The following PCDHGA3 variants were observed in gnomAD, a reference collection of about 807,000 sequenced individuals.
The protein encoded by PCDHGA3 is protocadherin gamma-A3.
PCDHGA3 carries 40 observed loss-of-function variants against 58.5 expected under a neutral mutation model. The observed-to-expected ratio is 0.68, with a 90% CI of 0.53 to 0.89. PCDHGA3 has a LOEUF of 0.89. Ranked by LOEUF, PCDHGA3 falls within the 40% of genes least tolerant of loss-of-function variation. The probability of loss-of-function intolerance (pLI) is 0.00; values close to 1 mark genes in which losing one functional copy is unlikely to be tolerated. For missense variants in PCDHGA3, 1,223 were observed against 1,195.9 expected (o/e 1.02, Z -0.33); for synonymous variants, 530 against 525.7 (o/e 1.01, Z -0.11).
At chr5:141,504,545 TGTTGGGGG>T in intron 2 of PCDHGA3, among the ~76,000 whole-genome samples, 1 of 151,524 alleles carries the variant, frequency 6.6e-6, no homozygotes, top group South Asian at 2.1e-4. Flanking sequence ...TCATGGCAAA[TGTTGGGGG>T]ACTGGCATTC....
chr5:141,501,030 A>G (rs2099805050), intron 2 of PCDHGA3, among the ~76,000 whole-genome samples: 1 of 151,848 alleles, frequency 6.6e-6, no homozygotes, highest in Admixed American at 6.6e-5. Flanking sequence ...CACCACGCCC[A>G]GCTAATTTTT....
chr5:141,430,399 T>C (rs2097282187), intron 1 of PCDHGA3, among the ~76,000 whole-genome samples: 1 of 150,106 alleles, frequency 6.7e-6, no homozygotes, highest in African/African-American at 2.4e-5. Flanking sequence ...AAAAAAAAGC[T>C]CACTAAAGTT....
chr5:141,377,234 A>G (rs930126053), intron 1 of PCDHGA3: 14 of 152,160 alleles, frequency 9.2e-5, no homozygotes, highest in African/African-American at 3.1e-4. Flanking sequence ...TTTTCCTACT[A>G]TGTGACATTT....
chr5:141,418,749 C>A, intron 1 of PCDHGA3: 1 of 1,613,866 alleles, frequency 6.2e-7, no homozygotes, highest in South Asian at 1.1e-5. Flanking sequence ...CTGGATTACA[C>A]TACAGGAAAC....
At chr5:141,351,917 G>A in intron 1 of PCDHGA3, 1 of 1,613,382 alleles carries the variant, frequency 6.2e-7, no homozygotes. Context: ...CGACCTCAAT[G>A]ACAATGCGCC....
At chr5:141,423,022 T>C in intron 1 of PCDHGA3, 1 of 1,614,194 alleles carries the variant, frequency 6.2e-7, no homozygotes, top group Non-Finnish European at 8.5e-7. Flanking sequence ...GGACAAAGAT[T>C]CAGGCCAGAA....
chr5:141,360,729 C>T (rs767195567), intron 1 of PCDHGA3: 2 of 1,613,886 alleles, frequency 1.2e-6, no homozygotes, highest in African/African-American at 1.3e-5. Flanking sequence ...TTCTAAAACA[C>T]TCTCTGGACA....
intron 1 of PCDHGA3, among the ~76,000 whole-genome samples, chr5:141,353,748 C>A (rs557671529): frequency 6.6e-6 from 1 of 152,086 alleles, no homozygotes; most frequent in Non-Finnish European, 1.5e-5. Context: ...AATCTATAAA[C>A]ATGTTGAGAT....
At chr5:141,468,428 T>C (rs936671539) in intron 1 of PCDHGA3, 11 of 151,374 alleles carry the variant, frequency 7.3e-5, no homozygotes, top group Non-Finnish European at 1.3e-4. Context: ...AGCAAGGTAA[T>C]AGCAAAATGT....
rs556183945 is a variant in PCDHGA3 at position 141,404,478 on chromosome 5, C to G, written c.2424+58021C>G. On this transcript the variant is annotated intron_variant, in intron 1 of 3. Coordinates refer to ENST00000253812, the MANE Select transcript of PCDHGA3 (RefSeq NM_018916.4). ...CTCTCCACCTATGTCTCTATTAACT[C>G]AGACACTGGTGTGCTGTATGCTCTG... 36 of 1,613,412 alleles carry G rather than the reference C, an allele frequency of 2.2e-5. No homozygotes were observed. In the South Asian group the frequency reaches 3.6e-4, roughly 16 times the overall value.
At chr5:141,422,111 T>A (rs763658255) in intron 1 of PCDHGA3, 1 of 1,606,408 alleles carries the variant, frequency 6.2e-7, no homozygotes, top group Admixed American at 1.7e-5. Context: ...ATATTCCAAT[T>A]GGATTCACAA....
intron 1 of PCDHGA3, chr5:141,366,994 T>C (rs991537979): frequency 6.5e-6 from 3 of 463,862 alleles, no homozygotes; most frequent in Non-Finnish European, 1.1e-5. Flanking sequence ...TGGTTAAATA[T>C]AATCATTTTA....
chr5:141,453,021 A>G (rs1008711775), intron 1 of PCDHGA3, among the ~76,000 whole-genome samples: 1 of 152,200 alleles, frequency 6.6e-6, no homozygotes, highest in Non-Finnish European at 1.5e-5. Context: ...TATGTGATTC[A>G]TTAAAATAAA....
intron 1 of PCDHGA3, chr5:141,439,845 T>C (rs983341549): frequency 6.6e-6 from 1 of 152,252 alleles, no homozygotes; most frequent in Non-Finnish European, 1.5e-5. Flanking sequence ...ACTCTAACTG[T>C]GGAAAAGGTG....
chr5:141,472,779 A>C (rs908169292), intron 1 of PCDHGA3, among the ~76,000 whole-genome samples: 5 of 152,012 alleles, frequency 3.3e-5, no homozygotes, highest in Non-Finnish European at 7.4e-5. Context: ...TGAGGTTGGG[A>C]GTTCAAGATC....
intron 1 of PCDHGA3, chr5:141,384,575 C>G (rs754018989): frequency 6.2e-7 from 1 of 1,614,258 alleles, no homozygotes; most frequent in East Asian, 2.2e-5. Context: ...AATGACAACC[C>G]GCCCGAGATC....
intron 1 of PCDHGA3, among the ~76,000 whole-genome samples, chr5:141,481,647 A>G (rs749515062): frequency 1.6e-4 from 25 of 151,712 alleles, no homozygotes; most frequent in Non-Finnish European, 2.8e-4. Flanking sequence ...GTGAAACTTC[A>G]TCTCTACTAA....
At chr5:141,412,931 T>A in intron 1 of PCDHGA3, 1 of 453,226 alleles carries the variant, frequency 2.2e-6, no homozygotes, top group Non-Finnish European at 3.9e-6. Context: ...CAGTAACTTC[T>A]TAGGACTCTG....
At chr5:141,443,980 T>A (rs2098412674) in intron 1 of PCDHGA3, among the ~76,000 whole-genome samples, 1 of 152,036 alleles carries the variant, frequency 6.6e-6, no homozygotes, top group South Asian at 2.1e-4. Context: ...CTAAGCTATG[T>A]TAATTTTATT....
Sources: allele counts gnomAD v4.1 joint callset (sites outside exome capture counted in the v4.1 genomes callset), GRCh38; gene constraint gnomAD v4.1.1; transcripts MANE v1.5; gene names NCBI Gene and HGNC (gene_info 2026-07-23, HGNC 2026-07-21).